Variants in USP10 observed in about 807,000 individuals in gnomAD.
USP10 encodes the protein ubiquitin specific peptidase 10.
Under a neutral mutation model 84.5 loss-of-function variants are expected in USP10, and 22 were observed. The ratio of observed to expected loss-of-function variants is 0.26; its 90% CI spans 0.19 to 0.37. The LOEUF is 0.37. USP10 is among the 10% of genes least tolerant of loss of function. The pLI is 1.00. For synonymous variants in USP10, 454 were observed against 387.6 expected (o/e 1.17, Z -2.01); for missense variants, 1,019 against 998.9 (o/e 1.02, Z -0.27).
At chr16:84,747,314 C>T (rs1049936691) in intron 4 of USP10, among the ~76,000 whole-genome samples, 2 of 152,210 alleles carry the variant, frequency 1.3e-5, no homozygotes, top group African/African-American at 4.8e-5. Context: ...GATGTAGCAG[C>T]AAGCTGCCAA....
intron 1 of USP10, among the ~76,000 whole-genome samples, 190 bp downstream of exon 1, chr16:84,700,301 G>A (rs1458677399): frequency 1.3e-5 from 2 of 151,914 alleles, no homozygotes; most frequent in Non-Finnish European, 2.9e-5. Flanking sequence ...CGTCCCCTGA[G>A]CCACCCGGAC....
chr16:84,762,272 C>G (rs1368449707), intron 8 of USP10, among the ~76,000 whole-genome samples: 1 of 152,246 alleles, frequency 6.6e-6, no homozygotes, highest in Non-Finnish European at 1.5e-5. Flanking sequence ...CATAGGGCTG[C>G]TTAGCTCATT....
chr16:84,702,013 C>A (rs1597251799), intron 1 of USP10, among the ~76,000 whole-genome samples: 1 of 89,586 alleles, frequency 1.1e-5, no homozygotes, highest in African/African-American at 4.3e-5. Context: ...AACCTATAAA[C>A]TTTTTTATTT....
chr16:84,775,018 C>A, intron 12 of USP10, 142 bp from the exon 13 acceptor site: 1 of 698,884 alleles, frequency 1.4e-6, no homozygotes, highest in Admixed American at 2.4e-5. Flanking sequence ...AATTTTTGTG[C>A]AACTGAAGGG....
intron 4 of USP10, among the ~76,000 whole-genome samples, chr16:84,746,410 C>G (rs1277489863): frequency 6.6e-6 from 1 of 152,222 alleles, no homozygotes; most frequent in Non-Finnish European, 1.5e-5. Flanking sequence ...TCAGAGAGTA[C>G]TACACAAATA....
intron 4 of USP10, among the ~76,000 whole-genome samples, chr16:84,753,237 C>T (rs1031502722): frequency 6.6e-6 from 1 of 152,160 alleles, no homozygotes; most frequent in South Asian, 2.1e-4. Context: ...CTGCCATAGC[C>T]TCCCAAAGTG....
intron 11 of USP10, among the ~76,000 whole-genome samples, chr16:84,770,718 G>A (rs1222448988): frequency 6.7e-6 from 1 of 149,520 alleles, no homozygotes; most frequent in Non-Finnish European, 1.5e-5. Flanking sequence ...CTTGCAGTGA[G>A]CCGAGATAGC....
At chr16:84,761,404 C>G (rs1000827285) in intron 8 of USP10, among the ~76,000 whole-genome samples, 13 of 152,192 alleles carry the variant, frequency 8.5e-5, no homozygotes, top group African/African-American at 3.1e-4. Flanking sequence ...TGGAAGAACT[C>G]AGAAAATGCA....
At chr16:84,758,584 A>T in intron 4 of USP10, 132 bp from the exon 5 acceptor site, 1 of 663,962 alleles carries the variant, frequency 1.5e-6, no homozygotes, top group East Asian at 2.6e-5. Context: ...CCTTAACAGT[A>T]TGCATTTTCT....
intron 3 of USP10, among the ~76,000 whole-genome samples, chr16:84,742,456 C>T (rs1005734440): frequency 2.0e-5 from 3 of 152,182 alleles, no homozygotes; most frequent in Non-Finnish European, 2.9e-5. Context: ...GCCCTTGTGT[C>T]ACTAATCTCT....
chr16:84,776,797 C>G (rs1325858325), intron 13 of USP10, among the ~76,000 whole-genome samples: 1 of 152,178 alleles, frequency 6.6e-6, no homozygotes, highest in African/African-American at 2.4e-5. Flanking sequence ...CCCCTGCCCT[C>G]CTGAATCCTC....
intron 1 of USP10, among the ~76,000 whole-genome samples, chr16:84,713,496 C>T (rs1906581689): frequency 6.6e-6 from 1 of 152,168 alleles, no homozygotes; most frequent in Non-Finnish European, 1.5e-5. Context: ...GGTTCACTCT[C>T]TCGTCCTCCC....
Position 84,728,580 on chromosome 16 carries a change from C to T in USP10, c.22-4855C>T, listed in dbSNP as rs531597703. Reference sequence around the variant, plus strand: ...TCCTGACCTCGTGATCCGCCTGCCTCGGCCTCCCAAAGTGCTGGGATTACA... The same window carrying T: ...TCCTGACCTCGTGATCCGCCTGCCTTGGCCTCCCAAAGTGCTGGGATTACA... On this transcript the variant is annotated intron_variant, in intron 1 of 13. Coordinates refer to ENST00000219473, the MANE Select transcript of USP10 (RefSeq NM_005153.3). 2.7e-4 allele frequency among the ~76,000 whole-genome samples: 41 copies of T among 152,214 alleles called. No individual in the cohort carries two copies. The South Asian group carries it at 3.1e-3, about 12-fold the overall frequency.
intron 13 of USP10, among the ~76,000 whole-genome samples, chr16:84,778,217 T>C (rs1466095656): frequency 2.0e-5 from 3 of 151,932 alleles, no homozygotes; most frequent in Non-Finnish European, 4.4e-5. Flanking sequence ...AGCTCCACGC[T>C]CAAGCAACCG....
rs560194355 is a variant in USP10 at position 84,708,692 on chromosome 16, C to T, written c.21+8581C>T. Among the ~76,000 whole-genome samples the T allele has an allele frequency of 2.2e-4, 33 of 152,326 alleles. No homozygotes were observed. In the South Asian group the frequency reaches 6.6e-3, roughly 31 times the overall value. ...CAATGGCAAAAAACAAAACACTTCC[C>T]AACTCAGGTCCCACTCCTGAGAGAT... On this transcript the variant is annotated intron_variant, in intron 1 of 13. Transcript: ENST00000219473.
intron 4 of USP10, among the ~76,000 whole-genome samples, chr16:84,748,561 C>G (rs1043592596): frequency 6.6e-6 from 1 of 152,164 alleles, no homozygotes; most frequent in African/African-American, 2.4e-5. Context: ...GCCTCAGCCT[C>G]TCAAAGTGCT....
At chr16:84,771,076 A>C (rs933088647) in intron 11 of USP10, among the ~76,000 whole-genome samples, 2 of 147,936 alleles carry the variant, frequency 1.4e-5, no homozygotes, top group African/African-American at 5.0e-5. Context: ...AAAAAGTGTT[A>C]TCCAAATGAA....
intron 1 of USP10, among the ~76,000 whole-genome samples, chr16:84,722,958 G>A (rs1283742974): frequency 6.6e-6 from 1 of 152,162 alleles, no homozygotes; most frequent in African/African-American, 2.4e-5. Flanking sequence ...AGTACAAATA[G>A]GTGGTTCTTA....
chr16:84,763,807 C>G (rs1913491582), intron 9 of USP10, among the ~76,000 whole-genome samples: 1 of 152,066 alleles, frequency 6.6e-6, no homozygotes, highest in Non-Finnish European at 1.5e-5. Flanking sequence ...CGATTGGTTG[C>G]CGTGGATCCA....
Sources: allele counts gnomAD v4.1 joint callset (sites outside exome capture counted in the v4.1 genomes callset), GRCh38; gene constraint gnomAD v4.1.1; transcripts MANE v1.5; gene names NCBI Gene and HGNC (gene_info 2026-07-23, HGNC 2026-07-21).